DPF3: variants seen among roughly 807,000 people sequenced by gnomAD.
DPF3 encodes the protein double PHD fingers 3, also known as zinc finger protein DPF3.
Under a neutral mutation model 56.8 loss-of-function variants are expected in DPF3, and 18 were observed. The ratio of observed to expected loss-of-function variants is 0.32; its 90% CI spans 0.22 to 0.47. The LOEUF is 0.47. Ranked by LOEUF, DPF3 falls within the 20% of genes least tolerant of loss-of-function variation. The probability of loss-of-function intolerance (pLI) is 1.00; values close to 1 mark genes in which losing one functional copy is unlikely to be tolerated. For synonymous variants in DPF3, 188 were observed against 180.2 expected (o/e 1.04, Z -0.35); for missense variants, 403 against 488.8 (o/e 0.82, Z 1.65).
chr14:72,880,737 T>C (rs1345575916), intron 1 of DPF3, among the ~76,000 whole-genome samples: 1 of 152,046 alleles, frequency 6.6e-6, no homozygotes, highest in Non-Finnish European at 1.5e-5. Flanking sequence ...TTCTATGGGA[T>C]TTTGCCCTGT....
At chr14:72,703,151 T>C (rs948773313) in intron 6 of DPF3, among the ~76,000 whole-genome samples, 5 of 152,200 alleles carry the variant, frequency 3.3e-5, no homozygotes, top group African/African-American at 9.7e-5. Flanking sequence ...AGAGGCTGGC[T>C]ACATCCACCT....
At chr14:72,662,193 G>A (rs558750110) in intron 8 of DPF3, 128 of 985,152 alleles carry the variant, frequency 1.3e-4, no homozygotes, top group East Asian at 2.3e-4. Flanking sequence ...CATCCAACTC[G>A]CAGAAATAAA....
intron 1 of DPF3, among the ~76,000 whole-genome samples, chr14:72,893,378 C>T (rs1886853430): frequency 6.6e-6 from 1 of 152,206 alleles, no homozygotes; most frequent in African/African-American, 2.4e-5. Flanking sequence ...GACACACGCT[C>T]GATCGCCCGG....
rs567278740 is a variant in DPF3, at chr14:72,766,281, T to C, written c.193+5452A>G. Among the ~76,000 whole-genome samples the C allele has an allele frequency of 5.3e-5, 8 of 152,288 alleles. No individual in the cohort carries two copies. The South Asian group carries it at 1.7e-3, about 32-fold the overall frequency. On this transcript the variant is annotated intron_variant, in intron 2 of 10. Transcript: ENST00000556509. ...TTATATTCCTCTCACTAAGCACAAC[T>C]AAATATCCTGGACATTATTCATAGA...
chr14:72,641,394 G>A (rs1442885314), intron 8 of DPF3, among the ~76,000 whole-genome samples: 1 of 152,154 alleles, frequency 6.6e-6, no homozygotes, highest in African/African-American at 2.4e-5. Context: ...TAGATTCTGG[G>A]GCCAAAGCTA....
intron 1 of DPF3, among the ~76,000 whole-genome samples, chr14:72,832,018 GAC>G (rs1476685092): frequency 2.0e-5 from 3 of 152,048 alleles, no homozygotes; most frequent in Admixed American, 6.6e-5. Context: ...AAGAATTTGA[GAC>G]CAGCCTGGGC....
chr14:72,763,733 C>G (rs1891151879), intron 2 of DPF3, among the ~76,000 whole-genome samples: 1 of 152,194 alleles, frequency 6.6e-6, no homozygotes, highest in East Asian at 1.9e-4. Flanking sequence ...AATTGATAAA[C>G]TGGATTTCAC....
chr14:72,835,181 C>T (rs1344275183), intron 1 of DPF3, among the ~76,000 whole-genome samples: 1 of 152,170 alleles, frequency 6.6e-6, no homozygotes, highest in Non-Finnish European at 1.5e-5. Flanking sequence ...AATTCTCCTG[C>T]CTCAGCGTCC....
intron 3 of DPF3, chr14:72,742,787 G>T (rs1394386400): frequency 6.6e-6 from 1 of 152,432 alleles, no homozygotes; most frequent in Non-Finnish European, 1.5e-5. Context: ...AAAAGCTGGG[G>T]AAGTTGGCCG....
chr14:72,732,587 G>A (rs145393255), intron 3 of DPF3, among the ~76,000 whole-genome samples: 8 of 152,340 alleles, frequency 5.3e-5, no homozygotes, highest in African/African-American at 1.9e-4. Context: ...AGCCCCGGAT[G>A]AGCAGAGTGG....
intron 6 of DPF3, among the ~76,000 whole-genome samples, chr14:72,705,682 C>T (rs974637222): frequency 1.3e-5 from 2 of 152,212 alleles, no homozygotes; most frequent in Admixed American, 1.3e-4. Flanking sequence ...CCCTGGTATG[C>T]ACATCCCACA....
rs143023925 is a variant in DPF3, at chr14:72,765,872, C to T, written c.193+5861G>A. ...GAGCTTGCAGTGAGCAGAGATTGCG[C>T]CACTGCACTCCAGCCTGGGCAACAA... On this transcript the variant is annotated intron_variant, in intron 2 of 10. Transcript: ENST00000556509. Among the ~76,000 whole-genome samples the T allele has an allele frequency of 5.3e-3, 807 of 152,204 alleles. 11 individuals carry two copies. The highest frequency in any genetic ancestry group is 0.019 in the African/African-American group (776 of 41,542).
chr14:72,773,286 C>A (rs925034129), intron 1 of DPF3, among the ~76,000 whole-genome samples: 1 of 151,982 alleles, frequency 6.6e-6, no homozygotes, highest in Admixed American at 6.6e-5. Flanking sequence ...GTACCTGCCA[C>A]CATGCCCGGC....
chr14:72,869,699 A>G (rs1246943075), intron 1 of DPF3, among the ~76,000 whole-genome samples: 1 of 152,070 alleles, frequency 6.6e-6, no homozygotes, highest in Admixed American at 6.5e-5. Flanking sequence ...GGGCTGGGAG[A>G]GAGAGAGTGC....
At chr14:72,856,656 G>T (rs1440220623) in intron 1 of DPF3, among the ~76,000 whole-genome samples, 1 of 152,250 alleles carries the variant, frequency 6.6e-6, no homozygotes, top group Non-Finnish European at 1.5e-5. Flanking sequence ...TGGCTTAAGA[G>T]CATAGCTGTT....
chr14:72,648,716 A>G (rs1457328294), intron 8 of DPF3, among the ~76,000 whole-genome samples: 4 of 152,026 alleles, frequency 2.6e-5, no homozygotes, highest in African/African-American at 9.7e-5. Flanking sequence ...GACTGGCACC[A>G]GGATCCCTAC....
At chr14:72,759,524 G>GAA (rs968167640) in intron 2 of DPF3, among the ~76,000 whole-genome samples, 2 of 151,396 alleles carry the variant, frequency 1.3e-5, no homozygotes, top group African/African-American at 4.9e-5. Context: ...GAGAGAGAGA[G>GAA]AGAGATGAAA....
At chr14:72,638,853 G>A (rs1321678065) in intron 8 of DPF3, among the ~76,000 whole-genome samples, 2 of 137,312 alleles carry the variant, frequency 1.5e-5, no homozygotes, top group African/African-American at 2.7e-5. Flanking sequence ...GTCTTGATCT[G>A]TCGTCCATGC....
intron 1 of DPF3, among the ~76,000 whole-genome samples, chr14:72,780,327 T>C (rs548147329): frequency 1.8e-4 from 27 of 152,324 alleles, no homozygotes; most frequent in Admixed American, 1.6e-3. Flanking sequence ...TCTGTCTTAC[T>C]TTATTTTTGA....
Sources: allele counts gnomAD v4.1 joint callset (sites outside exome capture counted in the v4.1 genomes callset), GRCh38; gene constraint gnomAD v4.1.1; transcripts MANE v1.5; gene names NCBI Gene and HGNC (gene_info 2026-07-23, HGNC 2026-07-21).